Variants in TMTC4 observed in about 807,000 individuals in gnomAD.
TMTC4 encodes the protein transmembrane O-mannosyltransferase targeting cadherins 4, also known as protein O-mannosyl-transferase TMTC4.
In TMTC4, 65 loss-of-function variants were observed where a neutral mutation model predicts 86.0. The observed-to-expected ratio is 0.76, with a 90% CI of 0.62 to 0.93. TMTC4 has a LOEUF of 0.93. Ranked by LOEUF, TMTC4 falls within the 40% of genes least tolerant of loss-of-function variation. TMTC4 has a pLI of 0.00. For synonymous variants in TMTC4, 379 were observed against 382.5 expected, an observed-to-expected ratio of 0.99 and a Z score of 0.11; for missense variants, 866 against 948.1, an observed-to-expected ratio of 0.91 and a Z score of 1.14.
chr13:100,634,924 C>A lies in TMTC4; in HGVS notation c.1387G>T (p.Ala463Ser). Residue 463 changes from alanine (A) to serine (S), a missense_variant, in exon 12 of 19, where the codon GCT becomes TCT. Physicochemically the swap from Ala to Ser is moderately conservative, Grantham distance 99. Coordinates refer to ENST00000342624, the MANE Select transcript of TMTC4 (RefSeq NM_032813.5). The part of the protein sequence containing the change: ...KHTKKKKLIA[A>S]VVLGILFINT... ...ATGAATAAGATTCCCAGCACGACAG[C>A]GGCAATGAGTTTCTTAAGAACAGAA... 1 of 1,613,864 alleles carries A rather than the reference C, an allele frequency of 6.2e-7. No individual in the cohort carries two copies. The highest frequency in any genetic ancestry group is 8.5e-7 in the Non-Finnish European group (1 of 1,179,912).
rs139100995 is a variant in TMTC4 at position 100,642,796 on chromosome 13, C to T, written c.641-485G>A. Among the ~76,000 whole-genome samples, 1,334 of 152,266 alleles carry T rather than the reference C, an allele frequency of 8.8e-3. 74 individuals carry two copies. Among genetic ancestry groups the T allele is most frequent in the Admixed American group, 0.081 (1,241 of 15,296 alleles). On this transcript the variant is annotated intron_variant, in intron 6 of 18. Coordinates refer to ENST00000342624, the MANE Select transcript of TMTC4 (RefSeq NM_032813.5). Reference sequence around the variant, plus strand: ...GGAATAGGAGTTTGGGCCCTGTGGACACCAGGTGGCTTAGGATGGGTCTGC... The same window carrying T: ...GGAATAGGAGTTTGGGCCCTGTGGATACCAGGTGGCTTAGGATGGGTCTGC...
chr13:100,614,223 G>C, intron 16 of TMTC4, 93 bp downstream of exon 16: 1 of 940,110 alleles, frequency 1.1e-6, no homozygotes, highest in Non-Finnish European at 1.6e-6. Flanking sequence ...AACTCAGTAG[G>C]AAAAAAGCAC....
chr13:100,606,771 T>C (rs1326815830), intron 17 of TMTC4, among the ~76,000 whole-genome samples: 1 of 152,166 alleles, frequency 6.6e-6, no homozygotes, highest in African/African-American at 2.4e-5. Context: ...GGCTGAGCCG[T>C]GGAGCATACC....
intron 1 of TMTC4, 183 bp downstream of exon 1, chr13:100,674,561 C>T (rs1887594385): frequency 1.4e-5 from 14 of 982,396 alleles, no homozygotes; most frequent in Non-Finnish European, 1.7e-5. Context: ...CCGCGTCCCC[C>T]GTGACCCCGG....
In TMTC4 at chr13:100,663,214, C is replaced by G. The variant is rs374939314; in HGVS notation, c.336-34G>C. ...ACACAGGGTGTTCAGGGTACACGCG[C>G]AGCGGCATGCGGCAAGAAATGGCAA... On this transcript the variant is annotated intron_variant, in intron 4 of 18. Transcript: ENST00000342624. 4.3e-4 allele frequency: 680 copies of G among 1,599,426 alleles called. 1 individual carries two copies. In the Middle Eastern group the frequency reaches 8.1e-3, roughly 19 times the overall value.
intron 15 of TMTC4, chr13:100,614,761 T>G (rs1438103090): frequency 7.5e-6 from 2 of 266,686 alleles, no homozygotes; most frequent in Non-Finnish European, 1.2e-5. Context: ...TTTCCTGTTA[T>G]TTAGTGATTT....
At chr13:100,655,747 G>A (rs181422006) in intron 6 of TMTC4, among the ~76,000 whole-genome samples, 11 of 151,980 alleles carry the variant, frequency 7.2e-5, no homozygotes, top group Admixed American at 2.6e-4. Context: ...ACCGATGAGC[G>A]ATGGGAAGAA....
chr13:100,656,542 C>CTTTTTTTTTTTTTTTGTTTTT (rs1885138580), intron 5 of TMTC4, 74 bp from the exon 6 acceptor site: 1 of 350,206 alleles, frequency 2.9e-6, no homozygotes, highest in African/African-American at 2.6e-5. Context: ...GGAGACATAA[C>CTTTTTTTTTTTTTTTGTTTTT]TTTTTTTTTT....
chr13:100,645,532 T>G (rs940874889), intron 6 of TMTC4, among the ~76,000 whole-genome samples: 2 of 151,142 alleles, frequency 1.3e-5, no homozygotes, highest in African/African-American at 4.9e-5. Context: ...CACCTCTCCA[T>G]GTCCCTGACT....
At chr13:100,674,718 C>T (rs1163409970) in intron 1 of TMTC4, 26 bp downstream of exon 1, 2 of 983,352 alleles carry the variant, frequency 2.0e-6, no homozygotes, top group African/African-American at 3.5e-5. Flanking sequence ...CGCGCTCGGC[C>T]CTGCAGGGGC....
chr13:100,626,067 A>G lies in TMTC4; in HGVS notation c.1586+4T>C. 6.2e-7 allele frequency: 1 copy of G among 1,614,248 alleles called. No homozygotes were observed. The highest frequency in any genetic ancestry group is 1.1e-5 in the South Asian group (1 of 91,080). ...AATTCTTCTGTAAGACATACTCGCC[A>G]TACCTTACAGCTTCCCGGTAGTATC... is the stretch of plus-strand genomic sequence containing the variant. On this transcript the variant is annotated splice_donor_region_variant and intron_variant, in intron 13 of 18. Coordinates refer to ENST00000342624, the MANE Select transcript of TMTC4 (RefSeq NM_032813.5).
chr13:100,617,626 TTGAAGAC>T, intron 15 of TMTC4, among the ~76,000 whole-genome samples: 1 of 152,342 alleles, frequency 6.6e-6, no homozygotes, highest in South Asian at 2.1e-4. Flanking sequence ...GTTAAATTGT[TTGAAGAC>T]CACATGGCTG....
intron 4 of TMTC4, among the ~76,000 whole-genome samples, chr13:100,663,707 T>C (rs1467215163): frequency 6.6e-6 from 1 of 152,144 alleles, no homozygotes; most frequent in East Asian, 1.9e-4. Flanking sequence ...ATCACTCCCA[T>C]GCTCCTGTGG....
rs1482480441 is a variant in TMTC4 at position 100,656,494 on chromosome 13, G to T, written c.553-26C>A. ...CTTAAAAAAGGGGGAAGAAAACAAA[G>T]AATTACATAAAACACATTTAAGGAA... On this transcript the variant is annotated intron_variant, in intron 5 of 18. Transcript: ENST00000342624. 5 of 1,353,932 alleles carry T rather than the reference G, an allele frequency of 3.7e-6. No individual in the cohort carries two copies. The South Asian group carries it at 5.3e-5, about 14-fold the overall frequency. The allele number at this position is 1,353,932 out of a possible 1,614,324, so 83.9% of individuals were successfully genotyped here.
chr13:100,669,676 T>C (rs1343265270), intron 2 of TMTC4, among the ~76,000 whole-genome samples: 1 of 152,178 alleles, frequency 6.6e-6, no homozygotes, highest in Non-Finnish European at 1.5e-5. Context: ...TGCGGCCCTC[T>C]GCAAAGCATC....
chr13:100,658,990 T>C (rs755141972), intron 5 of TMTC4, among the ~76,000 whole-genome samples: 1 of 152,262 alleles, frequency 6.6e-6, no homozygotes, highest in Admixed American at 6.5e-5. Flanking sequence ...TTTCTTTTCC[T>C]TTTCTGATAT....
chr13:100,627,327 C>T (rs541797224), intron 12 of TMTC4, among the ~76,000 whole-genome samples: 160 of 152,242 alleles, frequency 1.1e-3, no homozygotes, highest in African/African-American at 3.6e-3. Context: ...TGTGTGAGTG[C>T]CCCAGGGTTG....
rs778387155 is a variant in TMTC4 at position 100,605,217 on chromosome 13, G to T, written c.2135-75C>A. 18 of 1,487,806 alleles carry T rather than the reference G, an allele frequency of 1.2e-5. No homozygotes were observed. Among genetic ancestry groups the T allele is most frequent in the Non-Finnish European group, 1.6e-5 (18 of 1,106,606 alleles). 92.2% of individuals were successfully genotyped at this position (1,487,806 alleles called of 1,614,324 possible). On this transcript the variant is annotated intron_variant, in intron 18 of 18. Transcript: ENST00000342624. This position sits in a 1 kb window ranked among gnomAD's most constrained non-coding sequence, Gnocchi z 4.3. ...CCGTATTCCTACCCTCTTGGACAAA[G>T]AAATATTACAGATCCTATGCAAACA... is the stretch of plus-strand genomic sequence containing the variant.
chr13:100,656,280 A>G (rs1427949986), intron 6 of TMTC4, 101 bp downstream of exon 6: 1 of 956,298 alleles, frequency 1.0e-6, no homozygotes, highest in Admixed American at 2.6e-5. Flanking sequence ...TCAGAGTGAC[A>G]CACTCACATA....
Sources: allele counts gnomAD v4.1 joint callset (sites outside exome capture counted in the v4.1 genomes callset), GRCh38; gene constraint gnomAD v4.1.1; non-coding constraint Gnocchi (gnomAD v3.1); transcripts MANE v1.5; gene names NCBI Gene and HGNC (gene_info 2026-07-23, HGNC 2026-07-21).